NALF1: variants seen among roughly 807,000 people sequenced by gnomAD.
The protein encoded by NALF1 is NALCN channel auxiliary factor 1.
In NALF1, 3 loss-of-function variants were observed where a neutral mutation model predicts 48.4. The ratio of observed to expected loss-of-function variants is 0.06; its 90% CI spans 0.03 to 0.16. NALF1 has a LOEUF of 0.16. Ranked by LOEUF, NALF1 falls within the 10% of genes least tolerant of loss-of-function variation. The pLI is 1.00. For missense variants in NALF1, 526 were observed against 571.5 expected, an observed-to-expected ratio of 0.92 and a Z score of 0.81; for synonymous variants, 262 against 245.7, an observed-to-expected ratio of 1.07 and a Z score of -0.62.
intron 1 of NALF1, among the ~76,000 whole-genome samples, chr13:107,462,354 T>C (rs1411074837): frequency 6.6e-6 from 1 of 152,234 alleles, no homozygotes; most frequent in Admixed American, 6.5e-5. Context: ...AATCTAATTA[T>C]CAACTAACAT....
intron 1 of NALF1, among the ~76,000 whole-genome samples, chr13:107,218,605 G>A (rs1429258262): frequency 5.5e-5 from 7 of 128,118 alleles, no homozygotes; most frequent in Admixed American, 3.4e-4. Context: ...ATTGAAGGCC[G>A]AAAACAAAAA....
chr13:107,687,727 A>G (rs1881469769), intron 1 of NALF1, among the ~76,000 whole-genome samples: 1 of 152,328 alleles, frequency 6.6e-6, no homozygotes, highest in East Asian at 1.9e-4. Flanking sequence ...CTCAGATGAA[A>G]TACTCTGTAT....
intron 1 of NALF1, among the ~76,000 whole-genome samples, chr13:107,473,081 C>T (rs1594081995): frequency 6.6e-6 from 1 of 152,304 alleles, no homozygotes; most frequent in South Asian, 2.1e-4. Context: ...AGGATCAGTT[C>T]GAACACAGCA....
At chr13:107,854,599 G>A (rs926781155) in intron 1 of NALF1, among the ~76,000 whole-genome samples, 4 of 152,154 alleles carry the variant, frequency 2.6e-5, no homozygotes, top group African/African-American at 9.7e-5. Context: ...GGGGTCAGCG[G>A]CGGTGGCTCA....
At position 107,512,378 on chromosome 13, in the gene NALF1, G is replaced by A. The variant is rs573721248; in HGVS notation, c.916-301623C>T. On this transcript the variant is annotated intron_variant, in intron 1 of 2. Coordinates refer to ENST00000375915, the MANE Select transcript of NALF1 (RefSeq NM_001080396.3). Reference sequence around the variant, plus strand: ...CACTGCGCTCCAGCCTGTCCACAGAGTGAGACTCCATCTAAAAAAAGAAAA... The same window carrying A: ...CACTGCGCTCCAGCCTGTCCACAGAATGAGACTCCATCTAAAAAAAGAAAA... Among the ~76,000 whole-genome samples, 4 of 152,288 alleles carry A rather than the reference G, an allele frequency of 2.6e-5. No homozygotes were observed. The South Asian group carries it at 6.2e-4, about 24-fold the overall frequency.
chr13:107,348,919 TTGTAAGA>T (rs1269790802), intron 1 of NALF1, among the ~76,000 whole-genome samples: 1 of 152,212 alleles, frequency 6.6e-6, no homozygotes, highest in African/African-American at 2.4e-5. Context: ...AGCTCCTCCT[TTGTAAGA>T]TGCAAAGATG....
chr13:107,330,352 A>G (rs1326414808), intron 1 of NALF1, among the ~76,000 whole-genome samples: 1 of 152,210 alleles, frequency 6.6e-6, no homozygotes, highest in Non-Finnish European at 1.5e-5. Flanking sequence ...GTAATATTCA[A>G]TATTTGTCAA....
At chr13:107,375,720 G>A (rs1038225047) in intron 1 of NALF1, among the ~76,000 whole-genome samples, 5 of 152,114 alleles carry the variant, frequency 3.3e-5, no homozygotes, top group Admixed American at 6.5e-5. Context: ...TTTGAAGAAA[G>A]TATCAACACA....
At chr13:107,794,434 A>T (rs1594271470) in intron 1 of NALF1, among the ~76,000 whole-genome samples, 1 of 150,932 alleles carries the variant, frequency 6.6e-6, no homozygotes, top group East Asian at 2.0e-4. Context: ...GTTAATGATG[A>T]CAGGGTAAAT....
At chr13:107,843,818 T>C (rs570278373) in intron 1 of NALF1, among the ~76,000 whole-genome samples, 8 of 152,206 alleles carry the variant, frequency 5.3e-5, no homozygotes, top group Middle Eastern at 3.4e-3. Context: ...AAAAAATAAA[T>C]TGAGAATAAA....
At chr13:107,825,305 T>C (rs559127623) in intron 1 of NALF1, among the ~76,000 whole-genome samples, 1 of 152,346 alleles carries the variant, frequency 6.6e-6, no homozygotes, top group South Asian at 2.1e-4. Flanking sequence ...ATATCTTGTG[T>C]CTCTATATAA....
intron 1 of NALF1, among the ~76,000 whole-genome samples, chr13:107,291,265 T>C (rs1288536881): frequency 1.3e-5 from 2 of 152,084 alleles, no homozygotes; most frequent in African/African-American, 2.4e-5. Context: ...ATTTAGTGTT[T>C]CCTGGTTCAT....
intron 1 of NALF1, among the ~76,000 whole-genome samples, chr13:107,275,812 T>C (rs1881269018): frequency 6.6e-6 from 1 of 152,234 alleles, no homozygotes. Flanking sequence ...TCACTAACCT[T>C]GACCACCTTA....
At chr13:107,736,194 T>TAC (rs891269318) in intron 1 of NALF1, among the ~76,000 whole-genome samples, 120 of 34,424 alleles carry the variant, frequency 3.5e-3, no homozygotes, top group African/African-American at 0.011. Flanking sequence ...CACACACACA[T>TAC]ACACACACAC....
intron 1 of NALF1, among the ~76,000 whole-genome samples, chr13:107,576,595 G>A (rs921949569): frequency 2.6e-5 from 4 of 152,126 alleles, no homozygotes; most frequent in African/African-American, 9.7e-5. Context: ...TTGCATGTGG[G>A]TCACATACAT....
rs555303143 is a variant in NALF1 at position 107,349,777 on chromosome 13, T to C, written c.916-139022A>G. ...AAAAGAAACTGAGGTAGCTGATTTA[T>C]CTCCTCCGTGCAAGATAGCCATAAG... On this transcript the variant is annotated intron_variant, in intron 1 of 2. Coordinates refer to ENST00000375915, the MANE Select transcript of NALF1 (RefSeq NM_001080396.3). Among the ~76,000 whole-genome samples, 186 of 151,600 alleles carry C rather than the reference T, an allele frequency of 1.2e-3. 2 individuals carry two copies. The highest frequency in any genetic ancestry group is 4.4e-3 in the African/African-American group (182 of 41,340).
At chr13:107,530,173 G>A (rs559047389) in intron 1 of NALF1, among the ~76,000 whole-genome samples, 44 of 152,142 alleles carry the variant, frequency 2.9e-4, no homozygotes, top group African/African-American at 1.0e-3. Flanking sequence ...TAATGAGGCA[G>A]GCTCAGTCTT....
intron 1 of NALF1, among the ~76,000 whole-genome samples, chr13:107,252,960 C>T (rs891840236): frequency 3.9e-5 from 6 of 152,116 alleles, no homozygotes; most frequent in Non-Finnish European, 7.4e-5. Context: ...TTTCATACTT[C>T]GTTGTCCTTG....
At chr13:107,504,424 C>T (rs1284366876) in intron 1 of NALF1, among the ~76,000 whole-genome samples, 1 of 151,940 alleles carries the variant, frequency 6.6e-6, no homozygotes, top group Non-Finnish European at 1.5e-5. Flanking sequence ...TAGATTTAAG[C>T]CGCTCTTGTC....
Sources: gnomAD v4.1 joint callset for allele counts (sites outside exome capture counted in the v4.1 genomes callset) on GRCh38, gnomAD v4.1.1 for gene constraint, MANE v1.5 for transcripts, NCBI Gene and HGNC (gene_info 2026-07-23, HGNC 2026-07-21) for gene names.